POLR1E: variants seen among roughly 807,000 people sequenced by gnomAD.
POLR1E encodes the protein RNA polymerase I subunit E, also known as DNA-directed RNA polymerase I subunit RPA49.
In POLR1E, 37 loss-of-function variants were observed where a neutral mutation model predicts 50.9. The observed-to-expected ratio is 0.73, with a 90% CI of 0.56 to 0.96. The LOEUF (loss-of-function observed/expected upper bound fraction) is 0.96. POLR1E is among the 40% of genes least tolerant of loss of function. The probability of loss-of-function intolerance (pLI) is 0.00; values close to 1 mark genes in which losing one functional copy is unlikely to be tolerated. For synonymous variants in POLR1E, 166 were observed against 191.6 expected, an observed-to-expected ratio of 0.87 and a Z score of 1.10; for missense variants, 426 against 518.1, an observed-to-expected ratio of 0.82 and a Z score of 1.73.
intron 6 of POLR1E, among the ~76,000 whole-genome samples, 185 bp from the exon 7 acceptor site, chr9:37,494,980 GTGTT>G (rs1820758870): frequency 6.6e-6 from 1 of 152,214 alleles, no homozygotes; most frequent in Admixed American, 6.5e-5. Flanking sequence ...TGCCTAGCTT[GTGTT>G]TGTTCATGAG....
At position 37,486,822 on chromosome 9, in the gene POLR1E, G is replaced by A; in HGVS notation, c.180+16G>A. 2 of 1,598,024 alleles carry A rather than the reference G, an allele frequency of 1.3e-6. No individual in the cohort carries two copies. The highest frequency in any genetic ancestry group is 1.7e-6 in the Non-Finnish European group (2 of 1,174,214). The stretch of plus-strand genomic sequence containing the variant: ...ACGGATCCTGGTAAGTGAAGCAGTT[G>A]CCAGCTGTCTCCACTCTGCAGGGCT... On this transcript the variant is annotated intron_variant, in intron 2 of 11. Transcript: ENST00000377798.
chr9:37,492,406 T>G (rs1820701288), intron 4 of POLR1E: 1 of 1,046,974 alleles, frequency 9.6e-7, no homozygotes. Flanking sequence ...GCCTTCTGTT[T>G]TTTAATTTCT....
At chr9:37,496,583 G>T (rs1820788246) in intron 8 of POLR1E, among the ~76,000 whole-genome samples, 1 of 142,838 alleles carries the variant, frequency 7.0e-6, no homozygotes, top group African/African-American at 2.6e-5. Flanking sequence ...AATTTTACTG[G>T]TCATTGAAAT....
intron 4 of POLR1E, among the ~76,000 whole-genome samples, chr9:37,491,748 G>A (rs948521334): frequency 1.3e-5 from 2 of 152,130 alleles, no homozygotes; most frequent in Non-Finnish European, 2.9e-5. Context: ...ACAGGTGTGA[G>A]CCACCGTGCC....
chr9:37,487,154 C>A (rs901587622), intron 2 of POLR1E, among the ~76,000 whole-genome samples: 11 of 152,226 alleles, frequency 7.2e-5, no homozygotes, highest in Non-Finnish European at 1.5e-4. Flanking sequence ...GCTGTGGGGG[C>A]AGCATCCCTA....
rs531212233 is a variant in POLR1E, at chr9:37,493,653, G to A, written c.497G>A (p.Arg166His). Residue 166 changes from arginine (R) to histidine (H), a missense_variant, in exon 6 of 12, where the codon CGT (arginine) becomes CAT (histidine). Arg to His is a conservative substitution (Grantham distance 29). Coordinates refer to ENST00000377798, the MANE Select transcript of POLR1E (RefSeq NM_022490.4). ...AGAGTTGGCAATGAATCTTTGAATCGTGCAGTGGCTAAAGCTGCAGAGACT... is the reference window on the plus strand; with the variant it reads ...AGAGTTGGCAATGAATCTTTGAATCATGCAGTGGCTAAAGCTGCAGAGACT... ...MNRVGNESLNRAVAKAAETII... is the reference protein window; with the variant it reads ...MNRVGNESLNHAVAKAAETII... 535 of 1,607,960 alleles carry A rather than the reference G, an allele frequency of 3.3e-4. 3 individuals are homozygous for A. The South Asian group carries it at 5.5e-3, about 16-fold the overall frequency.
At chr9:37,491,799 C>T (rs1044192102) in intron 4 of POLR1E, among the ~76,000 whole-genome samples, 2 of 152,104 alleles carry the variant, frequency 1.3e-5, no homozygotes, top group Non-Finnish European at 2.9e-5. Flanking sequence ...CTCTTGAGTC[C>T]GGACACCCAT....
At chr9:37,490,561 T>C (rs55983514) in intron 4 of POLR1E, 16,300 of 729,440 alleles carry the variant, frequency 0.022, 250 homozygotes, top group Non-Finnish European at 0.027. Flanking sequence ...TCTGTCTTTT[T>C]CTAATCATCT....
At chr9:37,501,663 TTGTCTG>T (rs1480108521) in intron 10 of POLR1E, 44 bp from the exon 11 acceptor site, 1 of 1,585,596 alleles carries the variant, frequency 6.3e-7, no homozygotes, top group East Asian at 2.2e-5. Flanking sequence ...TTTGGAGAAA[TTGTCTG>T]AGAGTTTAAT....
rs1455418626 is a variant in POLR1E, at chr9:37,486,019, C to T, written c.-29C>T. The T allele has an allele frequency of 2.5e-6, 4 of 1,586,320 alleles. No individual in the cohort carries two copies. In the African/African-American group the frequency reaches 5.4e-5, roughly 21 times the overall value. ...GCGCTTGTGGCTGCTGCTGTCTTAA[C>T]TCCTGTGCTTGGCGGACAGACAGGC... On this transcript the variant is annotated 5_prime_UTR_variant, in exon 1 of 12. Transcript: ENST00000377798.
chr9:37,486,506 A>G (rs368617415), intron 1 of POLR1E, 197 bp from the exon 2 acceptor site: 3 of 1,555,128 alleles, frequency 1.9e-6, no homozygotes, highest in Non-Finnish European at 8.7e-7. Flanking sequence ...GCCCCTCCCC[A>G]GGGTTCTCCC....
intron 10 of POLR1E, among the ~76,000 whole-genome samples, chr9:37,501,222 G>A (rs1820882345): frequency 6.6e-6 from 1 of 152,256 alleles, no homozygotes; most frequent in Non-Finnish European, 1.5e-5. Flanking sequence ...TCACAGAGCT[G>A]GTGTTCTGCG....
intron 8 of POLR1E, among the ~76,000 whole-genome samples, chr9:37,496,356 A>G (rs568888735): frequency 6.6e-6 from 1 of 152,268 alleles, no homozygotes; most frequent in African/African-American, 2.4e-5. Flanking sequence ...CTCTGTGATG[A>G]TATGGTAGGC....
chr9:37,503,133 C>T lies in POLR1E; in HGVS notation c.1191C>T (p.Gly397=). 1 of 1,613,856 alleles carries T rather than the reference C, an allele frequency of 6.2e-7. No individual in the cohort carries two copies. The highest frequency in any genetic ancestry group is 8.5e-7 in the Non-Finnish European group (1 of 1,179,952). Residue 397 remains glycine, a synonymous_variant, in exon 12 of 12, where the codon GGC becomes GGT. Transcript: ENST00000377798. The stretch of plus-strand genomic sequence containing the variant: ...GCAGTGAAGAAGATCACAAGCTGGG[C>T]ACCCTGTCCCTCCCGCTGCCTCCAG... ...AAGSEEDHKL[G]TLSLPLPPAQ...
At chr9:37,496,606 AATTATT>A (rs71911145) in intron 8 of POLR1E, among the ~76,000 whole-genome samples, 35,680 of 145,538 alleles carry the variant, frequency 0.25, 4,686 homozygotes, top group African/African-American at 0.28. Flanking sequence ...AGTGCCTTGG[AATTATT>A]ATTATTATTT....
chr9:37,503,102 C>T lies in POLR1E; in HGVS notation c.1160C>T (p.Ala387Val), dbSNP rs1820918981. The T allele has an allele frequency of 6.2e-7, 1 of 1,613,882 alleles. No individual in the cohort carries two copies. The highest frequency in any genetic ancestry group is 8.5e-7 in the Non-Finnish European group (1 of 1,179,994). The change falls in exon 12 of 12, where the codon GCC becomes GTC. Residue 387 changes from alanine (A) to valine (V), a missense_variant. Physicochemically the swap from Ala to Val is moderately conservative, Grantham distance 64. Coordinates refer to ENST00000377798, the MANE Select transcript of POLR1E (RefSeq NM_022490.4). ...ATCTCCAAAAGAAGGGTGTCTGTGGCCGCCGGCAGTGAAGAAGATCACAAG... is the reference window on the plus strand; with the variant it reads ...ATCTCCAAAAGAAGGGTGTCTGTGGTCGCCGGCAGTGAAGAAGATCACAAG... ...LKISKRRVSV[A>V]AGSEEDHKLG...
intron 9 of POLR1E, 86 bp from the exon 10 acceptor site, chr9:37,500,754 G>A (rs1017561684): frequency 1.9e-6 from 2 of 1,043,974 alleles, no homozygotes; most frequent in East Asian, 2.4e-5. Context: ...CAGTGGCCCA[G>A]CTGTTGGCCT....
In POLR1E at chr9:37,501,710, T is replaced by C; in HGVS notation, c.969-3T>C. 1.9e-6 allele frequency: 3 copies of C among 1,603,528 alleles called. No individual in the cohort carries two copies. Among genetic ancestry groups the C allele is most frequent in the Non-Finnish European group, 2.5e-6 (3 of 1,177,480 alleles). On this transcript the variant is annotated splice_region_variant and splice_polypyrimidine_tract_variant and intron_variant, in intron 10 of 11. Transcript: ENST00000377798. ...TTCTCCTTTATTGCCACTGATTTTC[T>C]AGATTACGGAACTTAATTTCGGATT...
rs988251846 is a variant in POLR1E, at chr9:37,503,634, A to G, written c.*432A>G. On this transcript the variant is annotated 3_prime_UTR_variant, in exon 12 of 12. Transcript: ENST00000377798. Reference sequence around the variant, plus strand: ...GCTTTAGCACAGGTATGAAGCCAGAAGCCAGCATCTCAACTGTGCTTGTCT... The same window carrying G: ...GCTTTAGCACAGGTATGAAGCCAGAGGCCAGCATCTCAACTGTGCTTGTCT... 2.0e-5 allele frequency: 3 copies of G among 153,564 alleles called. No individual in the cohort carries two copies. The highest frequency in any genetic ancestry group is 7.2e-5 in the African/African-American group (3 of 41,484). The allele number at this position is 153,564 out of a possible 1,614,324, so 9.5% of individuals were successfully genotyped here. A position where few individuals can be genotyped will look rare whatever the true frequency, so the allele number is the denominator to read the frequency against.
Sources: allele counts gnomAD v4.1 joint callset (sites outside exome capture counted in the v4.1 genomes callset), GRCh38; gene constraint gnomAD v4.1.1; transcripts MANE v1.5; gene names NCBI Gene and HGNC (gene_info 2026-07-23, HGNC 2026-07-21).